DNAH8: variants seen among roughly 807,000 people sequenced by gnomAD.
DNAH8 encodes the protein dynein axonemal heavy chain 8.
A neutral mutation model predicts 562.1 loss-of-function variants in DNAH8; 382 were observed. The ratio of observed to expected loss-of-function variants is 0.68; its 90% CI spans 0.63 to 0.74. The LOEUF (loss-of-function observed/expected upper bound fraction) is 0.74, where lower values mean the gene tolerates loss of function less well. Ranked by LOEUF, DNAH8 falls within the 30% of genes least tolerant of loss-of-function variation. DNAH8 has a pLI of 0.00. For missense variants in DNAH8, 5,203 were observed against 5,620.4 expected, an observed-to-expected ratio of 0.93 and a Z score of 2.37; for synonymous variants, 1,881 against 1,919.4, an observed-to-expected ratio of 0.98 and a Z score of 0.52.
intron 12 of DNAH8, among the ~76,000 whole-genome samples, chr6:38,775,229 C>T (rs145638636): frequency 3.9e-5 from 6 of 152,240 alleles, no homozygotes; most frequent in Non-Finnish European, 5.9e-5. Context: ...ACAAAGACAG[C>T]CATTTCTGAA....
At chr6:38,752,192 C>T (rs941147145) in intron 9 of DNAH8, among the ~76,000 whole-genome samples, 36 of 150,870 alleles carry the variant, frequency 2.4e-4, no homozygotes, top group African/African-American at 8.9e-4. Flanking sequence ...GGGATGGAGT[C>T]TCTCTCTGTC....
intron 60 of DNAH8, 61 bp downstream of exon 60, chr6:38,896,286 T>C: frequency 1.5e-6 from 2 of 1,356,514 alleles, no homozygotes; most frequent in Non-Finnish European, 1.0e-6. Context: ...GATCTTTCTC[T>C]CTGCACCAGA....
chr6:38,873,176 C>T lies in DNAH8; in HGVS notation c.7479+29C>T, dbSNP rs145578644. On this transcript the variant is annotated intron_variant, in intron 51 of 92. Transcript: ENST00000327475. ...GGGCAGAGAGATGGGAAGAAGAACC[C>T]TCAGAGTCTCTCCACGTTTCACTTT... 1.0e-4 allele frequency: 166 copies of T among 1,613,020 alleles called. No individual in the cohort carries two copies. In the African/African-American group the frequency reaches 1.9e-3, roughly 18 times the overall value.
chr6:38,770,377 A>G (rs781468507), intron 11 of DNAH8, 36 bp from the exon 12 acceptor site: 18 of 1,414,692 alleles, frequency 1.3e-5, no homozygotes, highest in Admixed American at 1.1e-4. Flanking sequence ...CAAATGTCTC[A>G]CTTTCTTTTC....
chr6:38,866,492 A>G (rs1777041210), intron 45 of DNAH8, 99 bp from the exon 46 acceptor site: 2 of 819,758 alleles, frequency 2.4e-6, no homozygotes, highest in South Asian at 3.8e-5. Context: ...AATATTTTCA[A>G]TACCATCTTA....
chr6:38,808,449 C>T (rs1030712014), intron 24 of DNAH8, among the ~76,000 whole-genome samples: 3 of 152,164 alleles, frequency 2.0e-5, no homozygotes, highest in Admixed American at 6.5e-5. Flanking sequence ...ATTAAATATA[C>T]TTTCTTGTGT....
rs759903272 is a variant in DNAH8, at chr6:38,908,130, T to A, written c.9513+10T>A. 9 of 1,507,834 alleles carry A rather than the reference T, an allele frequency of 6.0e-6. No homozygotes were observed. The Admixed American group carries it at 1.8e-4, about 30-fold the overall frequency. 93.4% of individuals were successfully genotyped at this position (1,507,834 alleles called of 1,614,324 possible). The stretch of plus-strand genomic sequence containing the variant: ...TCTCTGCTTTTCTCCAGTAAGTTTT[T>A]ATTTTTATTTATATCTACGTAGAAA... On this transcript the variant is annotated intron_variant, in intron 64 of 92. Coordinates refer to ENST00000327475, the MANE Select transcript of DNAH8 (RefSeq NM_001206927.2).
chr6:38,777,082 C>T (rs530466145), intron 13 of DNAH8, among the ~76,000 whole-genome samples: 1 of 152,276 alleles, frequency 6.6e-6, no homozygotes, highest in South Asian at 2.1e-4. Context: ...TAAAATTCTA[C>T]CATTCTAACG....
At chr6:38,840,705 A>C (rs1323884610) in intron 33 of DNAH8, among the ~76,000 whole-genome samples, 1 of 152,156 alleles carries the variant, frequency 6.6e-6, no homozygotes, top group African/African-American at 2.4e-5. Flanking sequence ...TTCTTTGTCA[A>C]TTTTCTTCTC....
intron 26 of DNAH8, among the ~76,000 whole-genome samples, chr6:38,821,165 A>C (rs1350176609): frequency 6.6e-6 from 1 of 152,250 alleles, no homozygotes; most frequent in African/African-American, 2.4e-5. Context: ...TGCAGGATAC[A>C]GGATTAATAT....
At chr6:38,726,808 G>A (rs911218080) in intron 3 of DNAH8, among the ~76,000 whole-genome samples, 5 of 151,452 alleles carry the variant, frequency 3.3e-5, no homozygotes, top group Non-Finnish European at 5.9e-5. Flanking sequence ...ATTTGGTGTG[G>A]TGCGGTTTAG....
intron 21 of DNAH8, among the ~76,000 whole-genome samples, chr6:38,799,139 G>A (rs1048847991): frequency 2.0e-5 from 3 of 152,158 alleles, no homozygotes; most frequent in African/African-American, 7.2e-5. Flanking sequence ...CTGGCAATAT[G>A]GCTTTGATGG....
chr6:38,992,128 G>A (rs1159770498), intron 88 of DNAH8, among the ~76,000 whole-genome samples: 1 of 152,124 alleles, frequency 6.6e-6, no homozygotes, highest in East Asian at 1.9e-4. Context: ...ACCACGCCTG[G>A]CTAATTTTTG....
At chr6:38,957,409 A>G (rs1583453565) in intron 82 of DNAH8, among the ~76,000 whole-genome samples, 1 of 151,606 alleles carries the variant, frequency 6.6e-6, no homozygotes, top group Non-Finnish European at 1.5e-5. Context: ...ATTTTCAGCA[A>G]TGGACAAATC....
At chr6:38,932,198 A>ACACACACACC (rs1374213949) in intron 76 of DNAH8, among the ~76,000 whole-genome samples, 2 of 150,212 alleles carry the variant, frequency 1.3e-5, no homozygotes, top group African/African-American at 5.0e-5. Flanking sequence ...ACACACACAC[A>ACACACACACC]CACACACACA....
chr6:38,884,922 C>G (rs1778807917), intron 56 of DNAH8, among the ~76,000 whole-genome samples: 1 of 151,424 alleles, frequency 6.6e-6, no homozygotes, highest in Admixed American at 6.6e-5. Flanking sequence ...ACACTTTCCT[C>G]CCACCGACCT....
At chr6:38,735,385 A>C (rs918018740) in intron 5 of DNAH8, among the ~76,000 whole-genome samples, 1 of 152,196 alleles carries the variant, frequency 6.6e-6, no homozygotes, top group Non-Finnish European at 1.5e-5. Flanking sequence ...GCTTGGTTTA[A>C]GATTTTAGGT....
chr6:39,030,054 AG>A (rs771302622), intron 92 of DNAH8, 50 bp from the exon 93 acceptor site: 13 of 1,470,846 alleles, frequency 8.8e-6, no homozygotes, highest in African/African-American at 1.4e-5. Flanking sequence ...CTAATTTTGC[AG>A]CACCTAGTTT....
At chr6:38,889,124 G>C (rs1393381124) in intron 57 of DNAH8, among the ~76,000 whole-genome samples, 1 of 152,174 alleles carries the variant, frequency 6.6e-6, no homozygotes, top group East Asian at 1.9e-4. Context: ...AAATAATCCA[G>C]ATATTTATCA....
Sources: gnomAD v4.1 joint callset for allele counts (sites outside exome capture counted in the v4.1 genomes callset) on GRCh38, gnomAD v4.1.1 for gene constraint, MANE v1.5 for transcripts, NCBI Gene and HGNC (gene_info 2026-07-23, HGNC 2026-07-21) for gene names.